ZBTB25: variants seen among roughly 807,000 people sequenced by gnomAD.
ZBTB25 encodes the protein zinc finger and BTB domain-containing protein 25.
ZBTB25 carries 20 observed loss-of-function variants against 34.2 expected under a neutral mutation model. That is an observed-to-expected ratio of 0.58 (90% CI 0.41 to 0.85). The LOEUF (loss-of-function observed/expected upper bound fraction) is 0.85. Ranked by LOEUF, ZBTB25 falls within the 40% of genes least tolerant of loss-of-function variation. The pLI, the probability that ZBTB25 is intolerant of heterozygous loss-of-function variation, is 0.00. For missense variants in ZBTB25, 437 were observed against 521.8 expected (o/e 0.84, Z 1.58); for synonymous variants, 175 against 186.4 (o/e 0.94, Z 0.50).
At chr14:64,499,905 G>A (rs1268360724) in intron 1 of ZBTB25, among the ~76,000 whole-genome samples, 5 of 152,198 alleles carry the variant, frequency 3.3e-5, no homozygotes, top group Non-Finnish European at 7.3e-5. Context: ...ACCTTTAATG[G>A]AACTGGGAAA....
intron 1 of ZBTB25, among the ~76,000 whole-genome samples, chr14:64,493,945 G>A (rs912131190): frequency 9.2e-5 from 14 of 152,080 alleles, no homozygotes; most frequent in African/African-American, 2.2e-4. Context: ...AGTGATCAGC[G>A]GGGACAAGAA....
chr14:64,471,548 CAAT>C (rs1281339439), intron 2 of ZBTB25: 3 of 167,086 alleles, frequency 1.8e-5, no homozygotes, highest in African/African-American at 7.2e-5. Flanking sequence ...CTGATCTCAT[CAAT>C]GATTGCCATA....
At chr14:64,503,313 G>A (rs990563488) in intron 1 of ZBTB25, 18 of 985,328 alleles carry the variant, frequency 1.8e-5, no homozygotes, top group Non-Finnish European at 2.2e-5. Context: ...CTACCCGAGG[G>A]AGGCCGCAGG....
intron 2 of ZBTB25, among the ~76,000 whole-genome samples, chr14:64,450,762 C>T (rs1428027566): frequency 1.3e-5 from 2 of 152,092 alleles, no homozygotes; most frequent in Non-Finnish European, 2.9e-5. Context: ...GGCTGGAGTG[C>T]AGTGGTACAA....
intron 1 of ZBTB25, 124 bp from the exon 2 acceptor site, chr14:64,490,664 T>A (rs1165589460): frequency 1.1e-6 from 1 of 914,166 alleles, no homozygotes; most frequent in Non-Finnish European, 1.5e-6. Flanking sequence ...TAAATTTAAA[T>A]GAAATTATTC....
In ZBTB25 at chr14:64,487,658, C is replaced by T; in HGVS notation, c.573G>A (p.Gln191=). ...ADQQRACPAT[Q]ALEEHQKPPV... is the part of the protein sequence containing the mutation. Reference sequence around the variant, plus strand: ...GGGGCTTCTGGTGCTCCTCCAGGGCCTGGGTGGCAGGACAGGCCCTCTGCT... The same window carrying T: ...GGGGCTTCTGGTGCTCCTCCAGGGCTTGGGTGGCAGGACAGGCCCTCTGCT... Residue 191 remains glutamine (Q), a synonymous_variant, in exon 3 of 3, where the codon CAG becomes CAA. Transcript: ENST00000608382. The T allele has an allele frequency of 1.9e-6, 3 of 1,606,008 alleles. No homozygotes were observed. The highest frequency in any genetic ancestry group is 2.6e-6 in the Non-Finnish European group (3 of 1,176,360).
chr14:64,471,902 C>A (rs1325847448), intron 2 of ZBTB25: 1 of 166,578 alleles, frequency 6.0e-6, no homozygotes, highest in East Asian at 1.9e-4. Context: ...CATATTGAGA[C>A]CTCTAACAAA....
chr14:64,458,323 G>C (rs369797412), intron 2 of ZBTB25: 76 of 1,574,996 alleles, frequency 4.8e-5, no homozygotes, highest in Non-Finnish European at 6.6e-5. Context: ...TTGTTACTGG[G>C]TAATAATTTG....
At chr14:64,488,454 G>A (rs1488845321) in intron 2 of ZBTB25, among the ~76,000 whole-genome samples, 4 of 152,114 alleles carry the variant, frequency 2.6e-5, no homozygotes, top group African/African-American at 9.7e-5. Context: ...GACTCAAACA[G>A]ATACCTGTAT....
intron 1 of ZBTB25, among the ~76,000 whole-genome samples, chr14:64,501,461 TA>T (rs1209475884): frequency 2.0e-5 from 3 of 152,224 alleles, no homozygotes; most frequent in Non-Finnish European, 2.9e-5. Context: ...TTTCTCTTCT[TA>T]AAAGACTGAA....
chr14:64,492,827 A>C (rs1302330574), intron 1 of ZBTB25, among the ~76,000 whole-genome samples: 1 of 152,232 alleles, frequency 6.6e-6, no homozygotes, highest in Non-Finnish European at 1.5e-5. Context: ...AAAAGCCTGC[A>C]TTGTACAAGG....
chr14:64,485,416 T>C lies in ZBTB25; in HGVS notation c.*1507A>G. The C allele has an allele frequency of 2.0e-6, 2 of 985,462 alleles. No homozygotes were observed. Among genetic ancestry groups the C allele is most frequent in the Non-Finnish European group, 2.4e-6 (2 of 829,926 alleles). 61.0% of individuals were successfully genotyped at this position (985,462 alleles called of 1,614,324 possible). A position where few individuals can be genotyped will look rare whatever the true frequency, so the allele number is the denominator to read the frequency against. ...CCTTGACTATGCGGGGTTTGAAATTTAAACATTTCAGAAACAATTTAGATC... is the reference window on the plus strand; with the variant it reads ...CCTTGACTATGCGGGGTTTGAAATTCAAACATTTCAGAAACAATTTAGATC... On this transcript the variant is annotated 3_prime_UTR_variant, in exon 3 of 3. Coordinates refer to ENST00000608382, the MANE Select transcript of ZBTB25 (RefSeq NM_006977.5).
intron 2 of ZBTB25, among the ~76,000 whole-genome samples, chr14:64,458,879 A>T (rs767430313): frequency 4.6e-5 from 7 of 152,138 alleles, no homozygotes; most frequent in Non-Finnish European, 1.0e-4. Context: ...CCTTAGGCAG[A>T]CCCTTGGGGC....
chr14:64,500,526 G>C (rs1327929432), intron 1 of ZBTB25, among the ~76,000 whole-genome samples: 4 of 148,142 alleles, frequency 2.7e-5, no homozygotes. Context: ...AAGCAGAACG[G>C]TAAATAAATG....
chr14:64,454,802 C>T, intron 2 of ZBTB25: 1 of 1,614,134 alleles, frequency 6.2e-7, no homozygotes. Flanking sequence ...GGTGTCCCTA[C>T]AGGCTTCATT....
At chr14:64,492,606 A>C (rs1230248486) in intron 1 of ZBTB25, among the ~76,000 whole-genome samples, 1 of 151,944 alleles carries the variant, frequency 6.6e-6, no homozygotes, top group Non-Finnish European at 1.5e-5. Flanking sequence ...TGTCTCAAAA[A>C]AAAAAAACAA....
intron 2 of ZBTB25, among the ~76,000 whole-genome samples, chr14:64,455,887 C>T (rs2078464695): frequency 6.6e-6 from 1 of 152,228 alleles, no homozygotes; most frequent in South Asian, 2.1e-4. Flanking sequence ...ATGCCTGCAT[C>T]TCACTGCCTC....
At chr14:64,475,758 G>T (rs57567940), downstream of ZBTB25, among the ~76,000 whole-genome samples, 84 of 152,286 alleles carry the variant, frequency 5.5e-4, 2 homozygotes, top group East Asian at 0.016. Flanking sequence ...CCTAGGTGAG[G>T]AGAGGATGGT....
In ZBTB25 at chr14:64,484,980, T is replaced by C. The variant is rs1358412588; in HGVS notation, c.*1943A>G. Reference sequence around the variant, plus strand: ...ATACATTTGTTTTAATTACTCCCAATACAATTGATCTTATCAAGTTAGATG... The same window carrying C: ...ATACATTTGTTTTAATTACTCCCAACACAATTGATCTTATCAAGTTAGATG... On this transcript the variant is annotated 3_prime_UTR_variant, in exon 3 of 3. Coordinates refer to ENST00000608382, the MANE Select transcript of ZBTB25 (RefSeq NM_006977.5). 2 of 983,678 alleles carry C rather than the reference T, an allele frequency of 2.0e-6. No individual in the cohort carries two copies. The highest frequency in any genetic ancestry group is 2.3e-4 in the East Asian group (2 of 8,826). 60.9% of individuals were successfully genotyped at this position (983,678 alleles called of 1,614,324 possible).
Sources: allele counts gnomAD v4.1 joint callset (sites outside exome capture counted in the v4.1 genomes callset), GRCh38; gene constraint gnomAD v4.1.1; transcripts MANE v1.5; gene names NCBI Gene and HGNC (gene_info 2026-07-23, HGNC 2026-07-21).